The following RNF17 variants were observed in gnomAD, a reference collection of about 807,000 sequenced individuals.
RNF17 encodes spermatogenesis associated 23.
Under a neutral mutation model 200.5 loss-of-function variants are expected in RNF17, and 31 were observed. That is an observed-to-expected ratio of 0.15 (90% CI 0.12 to 0.21). The LOEUF (loss-of-function observed/expected upper bound fraction) is 0.21. RNF17 is among the 10% of genes least tolerant of loss of function. The pLI, the probability that RNF17 is intolerant of heterozygous loss-of-function variation, is 1.00. For missense variants in RNF17, 1,628 were observed against 1,905.1 expected (o/e 0.85, Z 2.71); for synonymous variants, 606 against 637.8 (o/e 0.95, Z 0.75).
chr13:24,804,360 TA>T lies in RNF17; in HGVS notation c.2025del (p.Glu676LysfsTer2). 1 of 1,612,796 alleles carries T rather than the reference TA, an allele frequency of 6.2e-7. No homozygotes were observed. The highest frequency in any genetic ancestry group is 8.5e-7 in the Non-Finnish European group (1 of 1,178,814). ...TACACTATCATCCACCTATTTTGCCTAAAGAAATGACAGATGTTTCAGTAAC... is the reference window on the plus strand; with the variant it reads ...TACACTATCATCCACCTATTTTGCCTAAGAAATGACAGATGTTTCAGTAAC... Reference protein sequence around the residue: ...TLHYHPPILPKEMTDVSVTVC... With the variant: ...TLHYHPPILPXEMTDVSVTVC... On this transcript the variant is annotated frameshift_variant, in exon 15 of 36. Transcript: ENST00000255324. LOFTEE classifies it high-confidence loss of function.
upstream of RNF17, chr13:24,764,008 C>G (rs1879156884): frequency 2.2e-6 from 1 of 453,796 alleles, no homozygotes; most frequent in Non-Finnish European, 3.9e-6. Context: ...GGCCACAAGG[C>G]GCCCCTTCTA....
At chr13:24,797,230 G>A (rs972546345) in intron 11 of RNF17, among the ~76,000 whole-genome samples, 15 of 152,162 alleles carry the variant, frequency 9.9e-5, no homozygotes, top group African/African-American at 3.6e-4. Context: ...TTCTAAGACA[G>A]CCAGAAAGTT....
rs139359698 is a variant in RNF17, at chr13:24,782,771, A to G, written c.611+827A>G. On this transcript the variant is annotated intron_variant, in intron 6 of 35. Transcript: ENST00000255324. ...GGATTGCTTGAGCCCAATTGTTGCTATTGGGTTATAGCAATTCTTTGTATA... is the reference window on the plus strand; with the variant it reads ...GGATTGCTTGAGCCCAATTGTTGCTGTTGGGTTATAGCAATTCTTTGTATA... Among the ~76,000 whole-genome samples, 426 of 152,224 alleles carry G rather than the reference A, an allele frequency of 2.8e-3. 1 individual carries two copies. Among genetic ancestry groups the G allele is most frequent in the Non-Finnish European group, 4.9e-3 (332 of 67,996 alleles).
chr13:24,787,349 G>GT (rs1883244032), intron 6 of RNF17, among the ~76,000 whole-genome samples: 1 of 152,126 alleles, frequency 6.6e-6, no homozygotes, highest in African/African-American at 2.4e-5. Flanking sequence ...TTACCATTCT[G>GT]TTTTCTTCCT....
chr13:24,833,122 T>C (rs1889598544), intron 18 of RNF17, among the ~76,000 whole-genome samples: 2 of 152,134 alleles, frequency 1.3e-5, no homozygotes, highest in Admixed American at 1.3e-4. Flanking sequence ...GCTTAATGAA[T>C]AGTAGTGCAG....
chr13:24,864,958 A>G lies in RNF17; in HGVS notation c.4061A>G (p.Lys1354Arg). 6.4e-7 allele frequency: 1 copy of G among 1,568,394 alleles called. No individual in the cohort carries two copies. Among genetic ancestry groups the G allele is most frequent in the Middle Eastern group, 1.7e-4 (1 of 5,944 alleles). ...CTTTCTTATTTTATGGCATACTATA[A>G]ATACTGTACTTCTGAACATACTGAG... ...MSLSYFMAYYKYCTSEHTEEM... is the reference protein window; with the variant it reads ...MSLSYFMAYYRYCTSEHTEEM... Residue 1354 changes from lysine to arginine, a missense_variant, in exon 29 of 36, where the codon AAA becomes AGA. Lys to Arg is a conservative substitution (Grantham distance 26). Coordinates refer to ENST00000255324, the MANE Select transcript of RNF17 (RefSeq NM_031277.3).
At position 24,854,143 on chromosome 13, in the gene RNF17, A is replaced by G; in HGVS notation, c.3609A>G (p.Ser1203=). ...DGTIFVVPKL[S]EFELIKMTNE... ...CTATATTTGTAGTACCTAAACTATC[A>G]GGTGAGACCTTCTATGTTATGTAGG... The change falls in exon 25 of 36, where the codon TCA becomes TCG. Residue 1203 remains serine (S), a splice_region_variant and synonymous_variant. Transcript: ENST00000255324. 2.5e-6 allele frequency: 4 copies of G among 1,606,002 alleles called. No individual in the cohort carries two copies. The highest frequency in any genetic ancestry group is 3.4e-6 in the Non-Finnish European group (4 of 1,174,546).
chr13:24,886,966 C>A, the RNF17 span, among the ~76,000 whole-genome samples: 1 of 152,152 alleles, frequency 6.6e-6, no homozygotes, highest in African/African-American at 2.4e-5. Flanking sequence ...TGGGCATAGA[C>A]AGGCTCCAGG....
At chr13:24,820,683 C>G (rs954499328) in intron 15 of RNF17, among the ~76,000 whole-genome samples, 5 of 152,026 alleles carry the variant, frequency 3.3e-5, no homozygotes, top group Non-Finnish European at 5.9e-5. Flanking sequence ...TGATCACCCC[C>G]CTTGGCCTCC....
chr13:24,807,367 T>A (rs945636119), intron 15 of RNF17, among the ~76,000 whole-genome samples: 2 of 151,420 alleles, frequency 1.3e-5, no homozygotes, highest in African/African-American at 2.4e-5. Context: ...GGTATCTCAT[T>A]GTGGTTTTGA....
chr13:24,751,734 T>C, the RNF17 span: 1 of 152,192 alleles, frequency 6.6e-6, no homozygotes, highest in Non-Finnish European at 1.5e-5. Context: ...TCTCTCAAAC[T>C]TGCATTCTTT....
chr13:24,811,491 A>G (rs9553447), intron 15 of RNF17, among the ~76,000 whole-genome samples: 26,690 of 152,062 alleles, frequency 0.18, 2,506 homozygotes, highest in South Asian at 0.32. Flanking sequence ...TTTCAGCTCC[A>G]TCAGCTCCTT....
chr13:24,851,733 A>G (rs746640741), intron 24 of RNF17, among the ~76,000 whole-genome samples, 162 bp downstream of exon 24: 9 of 152,202 alleles, frequency 5.9e-5, no homozygotes, highest in Non-Finnish European at 1.2e-4. Context: ...TTCCTTCAGA[A>G]TTGCTCATTT....
At chr13:24,757,808 A>G in the RNF17 span, among the ~76,000 whole-genome samples, 1 of 152,188 alleles carries the variant, frequency 6.6e-6, no homozygotes, top group Non-Finnish European at 1.5e-5. Context: ...TGAACACAAA[A>G]CATCCCCTCC....
At chr13:24,859,949 C>A (rs1345302233) in intron 26 of RNF17, among the ~76,000 whole-genome samples, 1 of 151,968 alleles carries the variant, frequency 6.6e-6, no homozygotes, top group Non-Finnish European at 1.5e-5. Flanking sequence ...CAGTGACCTG[C>A]CAGGGTCACT....
chr13:24,778,079 T>C (rs989540444), intron 3 of RNF17, among the ~76,000 whole-genome samples: 1 of 152,074 alleles, frequency 6.6e-6, no homozygotes, highest in African/African-American at 2.4e-5. Flanking sequence ...CTGGACAGCA[T>C]TTTGAAATCT....
At chr13:24,794,041 C>A in intron 10 of RNF17, 1 of 354,882 alleles carries the variant, frequency 2.8e-6, no homozygotes, top group Non-Finnish European at 5.5e-6. Context: ...TTCATTGATA[C>A]AAGGGATGTT....
chr13:24,802,044 T>A (rs1885301146), intron 13 of RNF17, among the ~76,000 whole-genome samples: 1 of 152,112 alleles, frequency 6.6e-6, no homozygotes, highest in Non-Finnish European at 1.5e-5. Flanking sequence ...TGGAGTGCAG[T>A]GGCATGATCT....
chr13:24,755,203 T>C, the RNF17 span, among the ~76,000 whole-genome samples: 5 of 152,206 alleles, frequency 3.3e-5, no homozygotes, highest in Admixed American at 6.5e-5. Context: ...ATGATATAGT[T>C]TTCATTTTTG....
Sources: gnomAD v4.1 joint callset for allele counts (sites outside exome capture counted in the v4.1 genomes callset) on GRCh38, gnomAD v4.1.1 for gene constraint, MANE v1.5 for transcripts, NCBI Gene and HGNC (gene_info 2026-07-23, HGNC 2026-07-21) for gene names.